EGFLAM: variants seen among roughly 807,000 people sequenced by gnomAD.
EGFLAM encodes the protein EGF like, fibronectin type III and laminin G domains.
Under a neutral mutation model 113.1 loss-of-function variants are expected in EGFLAM, and 79 were observed. That is an observed-to-expected ratio of 0.70 (90% CI 0.58 to 0.84). The LOEUF (loss-of-function observed/expected upper bound fraction) is 0.84, where lower values mean the gene tolerates loss of function less well. EGFLAM is among the 40% of genes least tolerant of loss of function. The pLI, the probability that EGFLAM is intolerant of heterozygous loss-of-function variation, is 0.00. For synonymous variants in EGFLAM, 504 were observed against 487.6 expected, an observed-to-expected ratio of 1.03 and a Z score of -0.44; for missense variants, 1,265 against 1,291.6, an observed-to-expected ratio of 0.98 and a Z score of 0.32.
intron 12 of EGFLAM, among the ~76,000 whole-genome samples, chr5:38,424,616 A>G (rs1315838479): frequency 3.3e-5 from 5 of 152,230 alleles, no homozygotes; most frequent in African/African-American, 1.2e-4. Flanking sequence ...GAGGGATTGA[A>G]ATATGCTCTG....
At chr5:38,349,626 C>A (rs137979790) in intron 3 of EGFLAM, among the ~76,000 whole-genome samples, 1 of 152,210 alleles carries the variant, frequency 6.6e-6, no homozygotes, top group East Asian at 1.9e-4. Context: ...TGGGCTGCTG[C>A]TTCCCACCGA....
intron 6 of EGFLAM, among the ~76,000 whole-genome samples, chr5:38,385,288 C>CA (rs1285813950): frequency 3.6e-5 from 4 of 109,594 alleles, no homozygotes; most frequent in East Asian, 3.6e-4. Context: ...ACCCCCCCCC[C>CA]CCGCCCCCGC....
chr5:38,428,646 G>T (rs568989117), intron 14 of EGFLAM, among the ~76,000 whole-genome samples: 11 of 152,254 alleles, frequency 7.2e-5, no homozygotes, highest in African/African-American at 1.7e-4. Flanking sequence ...AGAGGTTCTG[G>T]GCTCATCAGC....
At position 38,352,259 on chromosome 5, in the gene EGFLAM, T is replaced by C. The variant is rs1398082504; in HGVS notation, c.473T>C (p.Val158Ala). The change falls in exon 5 of 22, where the codon GTG becomes GCG. Residue 158 changes from valine to alanine, a missense_variant. By Grantham distance (64) the Val-to-Ala change is moderately conservative (BLOSUM62 0). Transcript: ENST00000322350. Reference sequence around the variant, plus strand: ...GTCATTGTGGTTTCGGATTCTGAGGTGGCCCTGTCTTGGAAACCTGGAGCG... The same window carrying C: ...GTCATTGTGGTTTCGGATTCTGAGGCGGCCCTGTCTTGGAAACCTGGAGCG... Reference protein sequence around the residue: ...PHVIVVSDSEVALSWKPGASE... With the variant: ...PHVIVVSDSEAALSWKPGASE... The C allele has an allele frequency of 8.1e-6, 13 of 1,613,980 alleles. No homozygotes were observed. Among genetic ancestry groups the C allele is most frequent in the Admixed American group, 3.3e-5 (2 of 59,996 alleles).
At chr5:38,359,900 C>G (rs2112009109) in intron 5 of EGFLAM, among the ~76,000 whole-genome samples, 1 of 152,276 alleles carries the variant, frequency 6.6e-6, no homozygotes, top group Middle Eastern at 3.4e-3. Context: ...CATAATAAGA[C>G]TTGAAGAATT....
At chr5:38,426,870 C>A (rs1742026528) in intron 13 of EGFLAM, 139 bp from the exon 14 acceptor site, 1 of 1,318,490 alleles carries the variant, frequency 7.6e-7, no homozygotes, top group South Asian at 1.4e-5. Context: ...AGAATTCAGT[C>A]ACACCACCAA....
intron 6 of EGFLAM, among the ~76,000 whole-genome samples, chr5:38,394,707 C>A (rs1405620612): frequency 1.2e-4 from 14 of 112,786 alleles, no homozygotes; most frequent in Admixed American, 4.5e-4. Flanking sequence ...CCGCGCCGGG[C>A]CCACTTTTTT....
intron 12 of EGFLAM, among the ~76,000 whole-genome samples, chr5:38,422,993 C>T (rs932496950): frequency 2.4e-4 from 37 of 152,284 alleles, no homozygotes; most frequent in African/African-American, 7.7e-4. Flanking sequence ...GGTTTGGAAA[C>T]TCTGGGAACC....
At chr5:38,399,227 C>G (rs1579869476) in intron 6 of EGFLAM, among the ~76,000 whole-genome samples, 2 of 151,700 alleles carry the variant, frequency 1.3e-5, no homozygotes, top group East Asian at 1.9e-4. Flanking sequence ...TTAATTCATT[C>G]CAAATCGAAT....
chr5:38,377,457 T>C (rs1286350796), intron 6 of EGFLAM, among the ~76,000 whole-genome samples: 3 of 152,186 alleles, frequency 2.0e-5, no homozygotes, highest in African/African-American at 7.2e-5. Flanking sequence ...AAATGTTGTG[T>C]TCTCAACACC....
chr5:38,349,331 G>A (rs1739555162), intron 3 of EGFLAM, among the ~76,000 whole-genome samples: 1 of 152,208 alleles, frequency 6.6e-6, no homozygotes, highest in African/African-American at 2.4e-5. Context: ...GGCCTTTGGA[G>A]TAGTCAGGGA....
intron 18 of EGFLAM, among the ~76,000 whole-genome samples, chr5:38,449,488 G>C (rs1361677843): frequency 6.6e-6 from 1 of 152,166 alleles, no homozygotes; most frequent in Non-Finnish European, 1.5e-5. Flanking sequence ...AAGATGGAAG[G>C]TCATTCAGTC....
chr5:38,346,382 C>T (rs950519142), intron 3 of EGFLAM: 6 of 152,110 alleles, frequency 3.9e-5, no homozygotes, highest in East Asian at 1.9e-4. Context: ...TGGTGTCAAA[C>T]GGAGAAAGGC....
At chr5:38,378,073 A>G in intron 6 of EGFLAM, among the ~76,000 whole-genome samples, 1 of 152,260 alleles carries the variant, frequency 6.6e-6, no homozygotes. Context: ...CTCTCCATAA[A>G]CTGTTTTCTT....
Position 38,431,302 on chromosome 5 carries a change from A to C in EGFLAM, c.2166+14A>C. 3.7e-6 allele frequency: 6 copies of C among 1,607,090 alleles called. No individual in the cohort carries two copies. The highest frequency in any genetic ancestry group is 4.3e-6 in the Non-Finnish European group (5 of 1,174,250). On this transcript the variant is annotated intron_variant, in intron 15 of 21. Transcript: ENST00000322350. ...GGAATGGCAGAGGTAAGAACAGTAC[A>C]CCTTTTCTCTTGATGGTTAGTGTGA...
chr5:38,258,990 C>A, intron 1 of EGFLAM, 139 bp downstream of exon 1: 1 of 970,576 alleles, frequency 1.0e-6, no homozygotes, highest in Non-Finnish European at 1.5e-6. Context: ...CTGCCAGGAG[C>A]TGAGAAAAGA....
At chr5:38,333,934 T>C (rs1739118379) in intron 1 of EGFLAM, among the ~76,000 whole-genome samples, 1 of 144,314 alleles carries the variant, frequency 6.9e-6, no homozygotes, top group Admixed American at 6.9e-5. Context: ...TTTTTTTTTT[T>C]TTTTTTGAGA....
chr5:38,308,781 G>A (rs1399246674), intron 1 of EGFLAM, among the ~76,000 whole-genome samples: 1 of 152,236 alleles, frequency 6.6e-6, no homozygotes, highest in African/African-American at 2.4e-5. Context: ...AGACAGAAGA[G>A]CACTGTGGGA....
intron 1 of EGFLAM, among the ~76,000 whole-genome samples, chr5:38,311,442 T>A (rs1738443919): frequency 6.6e-6 from 1 of 152,210 alleles, no homozygotes; most frequent in Non-Finnish European, 1.5e-5. Flanking sequence ...GATCATGCGA[T>A]CTTTGTCCTT....
Sources: allele counts gnomAD v4.1 joint callset (sites outside exome capture counted in the v4.1 genomes callset), GRCh38; gene constraint gnomAD v4.1.1; transcripts MANE v1.5; gene names NCBI Gene and HGNC (gene_info 2026-07-23, HGNC 2026-07-21).